KIF26B: variants seen among roughly 807,000 people sequenced by gnomAD.
The protein encoded by KIF26B is kinesin-like protein KIF26B.
KIF26B carries 63 observed loss-of-function variants against 151.2 expected under a neutral mutation model. The ratio of observed to expected loss-of-function variants is 0.42; its 90% CI spans 0.34 to 0.51. KIF26B has a LOEUF of 0.51. KIF26B is among the 20% of genes least tolerant of loss of function. The pLI is 0.07. For missense variants in KIF26B, 2,813 were observed against 2,913.6 expected (o/e 0.97, Z 0.79); for synonymous variants, 1,357 against 1,262.1 (o/e 1.08, Z -1.59).
chr1:245,705,171 G>C lies in KIF26B; in HGVS notation c.*2565G>C, dbSNP rs891847030. 3.9e-5 allele frequency: 6 copies of C among 152,180 alleles called. No individual in the cohort carries two copies. Among genetic ancestry groups the C allele is most frequent in the African/African-American group, 1.4e-4 (6 of 41,440 alleles). 9.4% of individuals were successfully genotyped at this position (152,180 alleles called of 1,614,324 possible). On this transcript the variant is annotated 3_prime_UTR_variant, in exon 15 of 15. Coordinates refer to ENST00000407071, the MANE Select transcript of KIF26B (RefSeq NM_018012.4). ...AACCAAGAGTTCTCTTAGCAAGTCA[G>C]ACTCCTTCCCAAGATGGCAATCACA...
chr1:245,587,668 C>T (rs1031042054), intron 5 of KIF26B, among the ~76,000 whole-genome samples: 1 of 152,182 alleles, frequency 6.6e-6, no homozygotes, highest in Non-Finnish European at 1.5e-5. Context: ...TTTGTAGGTT[C>T]ACCTTGAAGG....
rs763380819 is a variant in KIF26B, at chr1:245,223,019, C to T, written c.465+66336C>T. On this transcript the variant is annotated intron_variant, in intron 2 of 14. Coordinates refer to ENST00000407071, the MANE Select transcript of KIF26B (RefSeq NM_018012.4). ...CATTATTCCCTCTAATTCAGCAGTC[C>T]TCAGCTTGGGGTGATTTTGCCCCCC... Among the ~76,000 whole-genome samples, 3 of 152,028 alleles carry T rather than the reference C, an allele frequency of 2.0e-5. 1 individual carries two copies. The highest frequency in any genetic ancestry group is 2.9e-5 in the Non-Finnish European group (2 of 68,030).
intron 2 of KIF26B, among the ~76,000 whole-genome samples, chr1:245,259,711 C>T (rs375829398): frequency 3.9e-5 from 6 of 152,100 alleles, no homozygotes; most frequent in South Asian, 4.2e-4. Flanking sequence ...GTGGGCAGAT[C>T]GCTTGAGCTC....
chr1:245,388,579 C>T (rs1049357674), intron 3 of KIF26B, among the ~76,000 whole-genome samples: 3 of 152,136 alleles, frequency 2.0e-5, no homozygotes, highest in Non-Finnish European at 4.4e-5. Flanking sequence ...GTAGGTCCCT[C>T]GTTCCTTCTA....
rs1669690362 is a variant in KIF26B, at chr1:245,218,304, G to A, written c.465+61621G>A. ...GCAGATGGATCCCATCTCCTGGTCT[G>A]GTTAGCATAAGATAAACAGGGATAG... is the stretch of plus-strand genomic sequence containing the variant. On this transcript the variant is annotated intron_variant, in intron 2 of 14. Coordinates refer to ENST00000407071, the MANE Select transcript of KIF26B (RefSeq NM_018012.4). This position sits in a 1 kb window ranked among gnomAD's most constrained non-coding sequence, Gnocchi z 4.1. Among the ~76,000 whole-genome samples, 1 of 152,162 alleles carries A rather than the reference G, an allele frequency of 6.6e-6. No individual in the cohort carries two copies. Among genetic ancestry groups the A allele is most frequent in the African/African-American group, 2.4e-5 (1 of 41,446 alleles).
chr1:245,516,411 G>A lies in KIF26B; in HGVS notation c.1167-24356G>A, dbSNP rs1283767363. 1.3e-5 allele frequency among the ~76,000 whole-genome samples: 2 copies of A among 152,206 alleles called. No individual in the cohort carries two copies. Among genetic ancestry groups the A allele is most frequent in the Admixed American group, 6.5e-5 (1 of 15,282 alleles). On this transcript the variant is annotated intron_variant, in intron 4 of 14. Coordinates refer to ENST00000407071, the MANE Select transcript of KIF26B (RefSeq NM_018012.4). The surrounding 1 kb of genome is among the most constrained non-coding windows in gnomAD (Gnocchi z 4.2). ...ATGACATGAAATCATGTACGCGAGC[G>A]TGATTTGCTACTAGGCAGCTCTGTA...
chr1:245,502,861 CT>C (rs761926443), intron 4 of KIF26B, among the ~76,000 whole-genome samples: 2,032 of 139,102 alleles, frequency 0.015, 28 homozygotes, highest in African/African-American at 0.043. Flanking sequence ...TTATGGTGAA[CT>C]TTTTTTTTTT....
chr1:245,234,803 A>C (rs1670073472), intron 2 of KIF26B, among the ~76,000 whole-genome samples: 1 of 152,228 alleles, frequency 6.6e-6, no homozygotes, highest in Non-Finnish European at 1.5e-5. Flanking sequence ...CAGGCCTCGC[A>C]ACACCGGCCT....
intron 2 of KIF26B, among the ~76,000 whole-genome samples, chr1:245,343,233 T>C (rs1022465259): frequency 6.6e-6 from 1 of 152,184 alleles, no homozygotes; most frequent in African/African-American, 2.4e-5. Context: ...GTATTAGTTA[T>C]TTGGGTGTGA....
chr1:245,309,802 C>T (rs150837021), intron 2 of KIF26B, among the ~76,000 whole-genome samples: 374 of 146,428 alleles, frequency 2.6e-3, no homozygotes, highest in African/African-American at 8.4e-3. Flanking sequence ...AGAGAGGCCG[C>T]GTGGTCTTAG....
intron 2 of KIF26B, among the ~76,000 whole-genome samples, chr1:245,283,690 A>ATCTTTT (rs1553341296): frequency 1.4e-5 from 2 of 141,686 alleles, no homozygotes; most frequent in East Asian, 4.2e-4. Flanking sequence ...AAGCTTGAGA[A>ATCTTTT]TTTTTTTTTT....
rs1471664822 is a variant in KIF26B, at chr1:245,170,520, G to A, written c.465+13837G>A. On this transcript the variant is annotated intron_variant, in intron 2 of 14. Transcript: ENST00000407071. This position sits in a 1 kb window ranked among gnomAD's most constrained non-coding sequence, Gnocchi z 4.4. ...TCATGCTGCTATAACAAAATACCAC[G>A]AACTGGGTGGCTTATAAACAACAGA... is the stretch of plus-strand genomic sequence containing the variant. Among the ~76,000 whole-genome samples, 2 of 152,140 alleles carry A rather than the reference G, an allele frequency of 1.3e-5. No individual in the cohort carries two copies. Among genetic ancestry groups the A allele is most frequent in the Admixed American group, 6.5e-5 (1 of 15,274 alleles).
intron 5 of KIF26B, among the ~76,000 whole-genome samples, chr1:245,544,277 C>T (rs1461497063): frequency 1.3e-5 from 2 of 152,156 alleles, no homozygotes; most frequent in Non-Finnish European, 2.9e-5. Flanking sequence ...ATATATAAAT[C>T]GGCAGGTTTG....
rs1668610593 is a variant in KIF26B at position 245,166,096 on chromosome 1, T to C, written c.465+9413T>C. Among the ~76,000 whole-genome samples, 1 of 152,230 alleles carries C rather than the reference T, an allele frequency of 6.6e-6. No individual in the cohort carries two copies. On this transcript the variant is annotated intron_variant, in intron 2 of 14. Transcript: ENST00000407071. The surrounding 1 kb of genome is among the most constrained non-coding windows in gnomAD (Gnocchi z 4.5). ...CAAGCCTTGGTCTTTCTAAACGTGG[T>C]TATTCTCATCTCTACAGTGGGAGTC...
intron 3 of KIF26B, among the ~76,000 whole-genome samples, chr1:245,390,127 A>G (rs1673648973): frequency 6.6e-6 from 1 of 150,732 alleles, no homozygotes; most frequent in Non-Finnish European, 1.5e-5. Flanking sequence ...ACGCCAAGCT[A>G]TGCTGGTCAT....
intron 5 of KIF26B, among the ~76,000 whole-genome samples, chr1:245,561,854 C>T (rs2042955219): frequency 6.6e-6 from 1 of 152,168 alleles, no homozygotes; most frequent in South Asian, 2.1e-4. Context: ...CTAGAGGTTT[C>T]ATCAGTCCAC....
At chr1:245,366,723 A>C (rs1398763445) in intron 2 of KIF26B, 111 bp from the exon 3 acceptor site, 2 of 1,020,438 alleles carry the variant, frequency 2.0e-6, no homozygotes, top group Non-Finnish European at 2.9e-6. Flanking sequence ...CAATCAAACT[A>C]TCCAACTCTT....
chr1:245,331,145 G>A (rs1171169446), intron 2 of KIF26B, among the ~76,000 whole-genome samples: 1 of 152,042 alleles, frequency 6.6e-6, no homozygotes, highest in Non-Finnish European at 1.5e-5. Context: ...CCTGGGGGTG[G>A]CAGAGCAGAG....
intron 2 of KIF26B, among the ~76,000 whole-genome samples, chr1:245,258,748 TG>T (rs911145877): frequency 6.6e-6 from 1 of 151,504 alleles, no homozygotes; most frequent in Non-Finnish European, 1.5e-5. Context: ...CACAGCATGG[TG>T]GGGGGGCATG....
Sources: allele counts gnomAD v4.1 joint callset (sites outside exome capture counted in the v4.1 genomes callset), GRCh38; gene constraint gnomAD v4.1.1; non-coding constraint Gnocchi (gnomAD v3.1); transcripts MANE v1.5; gene names NCBI Gene and HGNC (gene_info 2026-07-23, HGNC 2026-07-21).